Variants in NRXN1 observed in about 807,000 individuals in gnomAD.
The protein encoded by NRXN1 is neurexin 1, also known as neurexin-1.
In NRXN1, 39 loss-of-function variants were observed where a neutral mutation model predicts 150.9. The observed-to-expected ratio is 0.26, with a 90% confidence interval of 0.20 to 0.34. NRXN1 has a LOEUF of 0.34. Ranked by LOEUF, NRXN1 falls within the 10% of genes least tolerant of loss-of-function variation. The probability of loss-of-function intolerance (pLI) is 1.00; values close to 1 mark genes in which losing one functional copy is unlikely to be tolerated. For synonymous variants in NRXN1, 924 were observed against 757.0 expected, an observed-to-expected ratio of 1.22 and a Z score of -3.62; for missense variants, 1,815 against 1,949.9, an observed-to-expected ratio of 0.93 and a Z score of 1.30.
intron 22 of NRXN1, among the ~76,000 whole-genome samples, chr2:49,937,097 T>C (rs1214289402): frequency 2.0e-5 from 3 of 152,246 alleles, no homozygotes; most frequent in South Asian, 2.1e-4. Flanking sequence ...TCAGAGAAGA[T>C]AGCGCCCCTA....
chr2:50,851,938 C>T (rs1456542687), intron 5 of NRXN1, among the ~76,000 whole-genome samples: 1 of 152,096 alleles, frequency 6.6e-6, no homozygotes, highest in Non-Finnish European at 1.5e-5. Context: ...CTTAATAGTG[C>T]CTTTGTTTTT....
At chr2:50,265,131 C>T (rs1402600559) in intron 17 of NRXN1, among the ~76,000 whole-genome samples, 2 of 151,982 alleles carry the variant, frequency 1.3e-5, no homozygotes, top group Non-Finnish European at 2.9e-5. Context: ...AGTATAGAAA[C>T]TTCTCCATTT....
chr2:50,682,606 G>T (rs1690570560), intron 5 of NRXN1, among the ~76,000 whole-genome samples: 1 of 152,018 alleles, frequency 6.6e-6, no homozygotes, highest in Admixed American at 6.6e-5. Context: ...AAGCAGAAAG[G>T]GTAAAAACAA....
chr2:50,474,627 G>A (rs528938634), intron 15 of NRXN1, among the ~76,000 whole-genome samples: 3 of 131,942 alleles, frequency 2.3e-5, no homozygotes, highest in Admixed American at 1.8e-4. Context: ...ACAACGTTCC[G>A]TACTCCTCTG....
intron 17 of NRXN1, among the ~76,000 whole-genome samples, chr2:50,270,987 G>A (rs2069539676): frequency 6.6e-6 from 1 of 152,036 alleles, no homozygotes; most frequent in Non-Finnish European, 1.5e-5. Context: ...TTGAATAATT[G>A]TCTTTCAAAT....
intron 2 of NRXN1, among the ~76,000 whole-genome samples, chr2:51,016,132 C>T (rs1020309156): frequency 6.6e-6 from 1 of 151,760 alleles, no homozygotes; most frequent in Admixed American, 6.6e-5. Context: ...AAAGGATTCC[C>T]TATTTAATAA....
chr2:50,966,317 G>C (rs1045429020), intron 2 of NRXN1, among the ~76,000 whole-genome samples: 3 of 150,116 alleles, frequency 2.0e-5, no homozygotes, highest in African/African-American at 4.9e-5. Context: ...CGCCACATCA[G>C]CTTTTCCCCC....
intron 5 of NRXN1, among the ~76,000 whole-genome samples, chr2:50,824,486 C>T (rs1670175025): frequency 1.3e-5 from 2 of 151,820 alleles, no homozygotes; most frequent in Non-Finnish European, 2.9e-5. Flanking sequence ...TATGATTTCA[C>T]AATTTTCTGC....
At chr2:50,723,379 C>A (rs1404255765) in intron 5 of NRXN1, among the ~76,000 whole-genome samples, 1 of 152,122 alleles carries the variant, frequency 6.6e-6, no homozygotes, top group African/African-American at 2.4e-5. Flanking sequence ...GGCCAAAATG[C>A]CCAGGTCTGT....
At chr2:50,290,444 T>C (rs1446645226) in intron 17 of NRXN1, among the ~76,000 whole-genome samples, 1 of 152,226 alleles carries the variant, frequency 6.6e-6, no homozygotes, top group Non-Finnish European at 1.5e-5. Flanking sequence ...TTGTGGTTCC[T>C]TGATACAAGT....
chr2:50,682,497 CTAGGAGCATCGTGACTTGGTTGACACACA>C (rs1415534308), intron 5 of NRXN1, among the ~76,000 whole-genome samples: 1 of 152,120 alleles, frequency 6.6e-6, no homozygotes, highest in Non-Finnish European at 1.5e-5. Flanking sequence ...GGAAAATCTA[CTAGGAGCATCGTGACTTGGTTGACACACA>C]TATGAGCACG....
At chr2:50,481,693 G>A (rs554653362) in intron 15 of NRXN1, among the ~76,000 whole-genome samples, 2 of 151,138 alleles carry the variant, frequency 1.3e-5, no homozygotes, top group South Asian at 4.2e-4. Flanking sequence ...GAGTTTTGGG[G>A]AGTTAATATT....
intron 18 of NRXN1, among the ~76,000 whole-genome samples, chr2:50,130,848 C>G (rs904505321): frequency 6.6e-6 from 1 of 152,166 alleles, no homozygotes; most frequent in Non-Finnish European, 1.5e-5. Context: ...TTGAAAAGAG[C>G]AGCTGCAGCC....
intron 5 of NRXN1, among the ~76,000 whole-genome samples, chr2:50,868,470 G>T (rs1032742292): frequency 6.6e-6 from 1 of 151,290 alleles, no homozygotes; most frequent in African/African-American, 2.4e-5. Flanking sequence ...CATTATTCAG[G>T]TGATGGTTAT....
chr2:50,862,528 GT>G (rs1428485725), intron 5 of NRXN1, among the ~76,000 whole-genome samples: 2 of 152,122 alleles, frequency 1.3e-5, no homozygotes, highest in Admixed American at 1.3e-4. Flanking sequence ...AAGGTCCTGA[GT>G]CAGGAAAGGA....
chr2:50,418,696 G>C (rs879749878), intron 17 of NRXN1, among the ~76,000 whole-genome samples: 3 of 151,920 alleles, frequency 2.0e-5, no homozygotes, highest in Admixed American at 6.6e-5. Context: ...GGGATCAAGG[G>C]AAATACAAAA....
intron 5 of NRXN1, among the ~76,000 whole-genome samples, chr2:50,877,510 T>C (rs1678781106): frequency 6.6e-6 from 1 of 151,948 alleles, no homozygotes; most frequent in African/African-American, 2.4e-5. Flanking sequence ...TGCATTAAAG[T>C]GATTCCTTCT....
chr2:50,239,989 G>A (rs929371903), intron 17 of NRXN1, among the ~76,000 whole-genome samples: 9 of 151,190 alleles, frequency 6.0e-5, no homozygotes, highest in African/African-American at 2.2e-4. Context: ...AACTATGAAA[G>A]TTTCTAGCAC....
At chr2:49,944,330 C>A (rs1672516884) in intron 21 of NRXN1, among the ~76,000 whole-genome samples, 1 of 152,198 alleles carries the variant, frequency 6.6e-6, no homozygotes, top group South Asian at 2.1e-4. Context: ...CAAGGAAATA[C>A]AATCCATTTA....
Sources: gnomAD v4.1 joint callset for allele counts (sites outside exome capture counted in the v4.1 genomes callset) on GRCh38, gnomAD v4.1.1 for gene constraint, MANE v1.5 for transcripts, NCBI Gene and HGNC (gene_info 2026-07-23, HGNC 2026-07-21) for gene names.